SNX9: variants seen among roughly 807,000 people sequenced by gnomAD.
SNX9 encodes the protein sorting nexin-9.
Under a neutral mutation model 89.4 loss-of-function variants are expected in SNX9, and 44 were observed. The observed-to-expected ratio is 0.49, with a 90% CI of 0.39 to 0.63. SNX9 has a LOEUF of 0.63. SNX9 is among the 30% of genes least tolerant of loss of function. The probability of loss-of-function intolerance (pLI) is 0.00; values close to 1 mark genes in which losing one functional copy is unlikely to be tolerated. For missense variants in SNX9, 578 were observed against 736.1 expected (o/e 0.79, Z 2.49); for synonymous variants, 236 against 247.8 (o/e 0.95, Z 0.45).
Position 157,942,773 on chromosome 6 carries a change from G to A in SNX9, c.1741-18G>A, listed in dbSNP as rs899918300. 9 of 1,613,786 alleles carry A rather than the reference G, an allele frequency of 5.6e-6. No homozygotes were observed. The highest frequency in any genetic ancestry group is 7.6e-6 in the Non-Finnish European group (9 of 1,179,890). On this transcript the variant is annotated intron_variant, in intron 17 of 17. Transcript: ENST00000392185. ...GGGAGTGATATCTCAACGTTGTTTT[G>A]TTTTGCTTTCTTGTCAGATTGCAGA... is the stretch of plus-strand genomic sequence containing the variant.
intron 15 of SNX9, among the ~76,000 whole-genome samples, chr6:157,937,751 TGTGA>T (rs1182048039): frequency 2.6e-5 from 4 of 152,230 alleles, no homozygotes; most frequent in Non-Finnish European, 4.4e-5. Context: ...AGGCATGAGT[TGTGA>T]GTATTTTATA....
Position 157,935,996 on chromosome 6 carries a change from G to A in SNX9, c.1399G>A (p.Ala467Thr), listed in dbSNP as rs1783916017. 4 of 1,612,698 alleles carry A rather than the reference G, an allele frequency of 2.5e-6. No homozygotes were observed. The highest frequency in any genetic ancestry group is 2.5e-6 in the Non-Finnish European group (3 of 1,179,346). ...ETDLNDAITE[A>T]GKTYEEIASL... ...AGATCTCAATGATGCAATAACAGAA[G>A]CAGGAAAGACTTATGAAGAAATTGC... The change falls in exon 14 of 18, where the codon GCA becomes ACA. Residue 467 changes from alanine to threonine, a missense_variant. Physicochemically the swap from Ala to Thr is moderately conservative, Grantham distance 58 (BLOSUM62 0). This residue lies in a region of SNX9 where 348 missense variants were observed against 491.4 expected (regional missense o/e 0.71). Coordinates refer to ENST00000392185, the MANE Select transcript of SNX9 (RefSeq NM_016224.5).
chr6:157,880,215 C>T (rs1340685459), intron 4 of SNX9, among the ~76,000 whole-genome samples: 1 of 152,202 alleles, frequency 6.6e-6, no homozygotes, highest in African/African-American at 2.4e-5. Flanking sequence ...TAAGACCTGC[C>T]TCCTGAACCT....
At chr6:157,919,558 T>C (rs2115190124) in intron 9 of SNX9, among the ~76,000 whole-genome samples, 1 of 152,316 alleles carries the variant, frequency 6.6e-6, no homozygotes, top group South Asian at 2.1e-4. Context: ...TGTGATTCTT[T>C]TTTGGTAACT....
At chr6:157,932,145 C>T (rs759935917) in intron 12 of SNX9, 50 bp from the exon 13 acceptor site, 18 of 1,498,510 alleles carry the variant, frequency 1.2e-5, no homozygotes, top group South Asian at 3.4e-5. Context: ...AGTTTAATCC[C>T]ATTTCAGTTT....
rs752074718 is a variant in SNX9, at chr6:157,867,632, C to T, written c.98C>T (p.Pro33Leu). 60 of 1,609,256 alleles carry T rather than the reference C, an allele frequency of 3.7e-5. No individual in the cohort carries two copies. The highest frequency in any genetic ancestry group is 1.2e-4 in the South Asian group (11 of 90,464). The change falls in exon 2 of 18, where the codon CCG becomes CTG. Residue 33 changes from proline to leucine, a missense_variant and splice_region_variant. This residue lies in a region of SNX9 where 230 missense variants were observed against 244.7 expected (regional missense o/e 0.94). Coordinates refer to ENST00000392185, the MANE Select transcript of SNX9 (RefSeq NM_016224.5). The stretch of plus-strand genomic sequence containing the variant: ...GGAGAAATCATCACAATCACAAATC[C>T]GGTAAGAGAACTGTACATTCGAGTC... ...NEGEIITITN[P>L]DVGGGWLEGR...
At chr6:157,858,040 C>T (rs983010110) in intron 1 of SNX9, among the ~76,000 whole-genome samples, 7 of 152,012 alleles carry the variant, frequency 4.6e-5, no homozygotes, top group African/African-American at 4.8e-5. Context: ...TAGGATGATG[C>T]GGGCCTCTTT....
chr6:157,907,313 ACT>A (rs1406919421), intron 7 of SNX9, among the ~76,000 whole-genome samples: 5 of 151,828 alleles, frequency 3.3e-5, no homozygotes, highest in African/African-American at 1.2e-4. Flanking sequence ...ACAGAGTCTC[ACT>A]CTGTCACCCA....
intron 1 of SNX9, among the ~76,000 whole-genome samples, chr6:157,845,159 A>T (rs1398606192): frequency 7.3e-6 from 1 of 136,760 alleles, no homozygotes; most frequent in Non-Finnish European, 1.5e-5. Context: ...CCCAGGCTGG[A>T]GTGCAATGGT....
At chr6:157,841,803 A>G (rs1781709430) in intron 1 of SNX9, among the ~76,000 whole-genome samples, 1 of 152,178 alleles carries the variant, frequency 6.6e-6, no homozygotes, top group African/African-American at 2.4e-5. Flanking sequence ...AGAATTTACT[A>G]CACTGTGACT....
chr6:157,938,148 A>G (rs1783964010), intron 15 of SNX9, among the ~76,000 whole-genome samples: 1 of 152,230 alleles, frequency 6.6e-6, no homozygotes, highest in African/African-American at 2.4e-5. Flanking sequence ...GAGTCTTTAA[A>G]TGGATTCAGC....
At chr6:157,836,741 C>CT (rs1197284673) in intron 1 of SNX9, among the ~76,000 whole-genome samples, 3 of 152,276 alleles carry the variant, frequency 2.0e-5, no homozygotes, top group South Asian at 4.1e-4. Flanking sequence ...CAGGCACCCA[C>CT]TACCATGCCT....
rs150697241 is a variant in SNX9, at chr6:157,828,513, A to G, written c.12+5067A>G. ...ATGATTATTATTATTTTTTTTTTGG[A>G]GACAGGGTCTCACTTTGTCATCCAG... On this transcript the variant is annotated intron_variant, in intron 1 of 17. Transcript: ENST00000392185. Among the ~76,000 whole-genome samples, 381 of 150,912 alleles carry G rather than the reference A, an allele frequency of 2.5e-3. 3 individuals carry two copies. The highest frequency in any genetic ancestry group is 4.3e-3 in the Non-Finnish European group (292 of 67,776).
intron 1 of SNX9, among the ~76,000 whole-genome samples, chr6:157,855,555 T>G (rs1238221818): frequency 6.6e-6 from 1 of 152,228 alleles, no homozygotes; most frequent in Non-Finnish European, 1.5e-5. Context: ...CTTTCGTTTT[T>G]TGGTAGACTG....
intron 1 of SNX9, among the ~76,000 whole-genome samples, chr6:157,834,104 C>T (rs1209485577): frequency 1.4e-4 from 18 of 127,722 alleles, no homozygotes; most frequent in Admixed American, 5.3e-4. Flanking sequence ...GACACCAGGG[C>T]TTGATCTGAT....
At chr6:157,887,759 T>TC (rs1260595293) in intron 4 of SNX9, among the ~76,000 whole-genome samples, 1 of 152,188 alleles carries the variant, frequency 6.6e-6, no homozygotes, top group Non-Finnish European at 1.5e-5. Context: ...GATTTTCAAC[T>TC]CCAAGTTTAT....
At chr6:157,835,573 C>G (rs187361391) in intron 1 of SNX9, among the ~76,000 whole-genome samples, 120 of 152,038 alleles carry the variant, frequency 7.9e-4, no homozygotes, top group African/African-American at 2.8e-3. Context: ...CGTGTCCCCA[C>G]CCAAATCTCA....
At chr6:157,933,493 T>C (rs928888174) in intron 13 of SNX9, among the ~76,000 whole-genome samples, 6 of 152,214 alleles carry the variant, frequency 3.9e-5, no homozygotes, top group African/African-American at 1.4e-4. Flanking sequence ...GATTTAGGGC[T>C]CCCACATGGC....
At chr6:157,918,028 G>T (rs1360687517) in intron 9 of SNX9, among the ~76,000 whole-genome samples, 1 of 151,968 alleles carries the variant, frequency 6.6e-6, no homozygotes, top group East Asian at 1.9e-4. Flanking sequence ...TTATTTTATG[G>T]CCTAGCATAT....
Sources: allele counts gnomAD v4.1 joint callset (sites outside exome capture counted in the v4.1 genomes callset), GRCh38; gene constraint gnomAD v4.1.1; regional missense constraint gnomAD v4.1.1; transcripts MANE v1.5; gene names NCBI Gene and HGNC (gene_info 2026-07-23, HGNC 2026-07-21).